Variants in ADAMTS9 observed in about 807,000 individuals in gnomAD.
ADAMTS9 encodes the protein ADAM metallopeptidase with thrombospondin type 1 motif 9.
ADAMTS9 carries 107 observed loss-of-function variants against 257.1 expected under a neutral mutation model. That is an observed-to-expected ratio of 0.42 (90% CI 0.36 to 0.49). The LOEUF is 0.49. ADAMTS9 is among the 20% of genes least tolerant of loss of function. The pLI is 0.03. For synonymous variants in ADAMTS9, 982 were observed against 880.9 expected, an observed-to-expected ratio of 1.11 and a Z score of -2.03; for missense variants, 2,353 against 2,469.1, an observed-to-expected ratio of 0.95 and a Z score of 1.00.
At chr3:64,522,684 G>A (rs919568115) in intron 38 of ADAMTS9, among the ~76,000 whole-genome samples, 3 of 151,742 alleles carry the variant, frequency 2.0e-5, no homozygotes, top group Admixed American at 6.6e-5. Flanking sequence ...ACTGCTTCTC[G>A]GTGCACAACA....
chr3:64,644,275 G>C (rs1420931439), intron 11 of ADAMTS9, among the ~76,000 whole-genome samples: 1 of 152,170 alleles, frequency 6.6e-6, no homozygotes, highest in African/African-American at 2.4e-5. Context: ...AGAAAATGAA[G>C]GGACAGAGGA....
At chr3:64,645,474 A>G (rs1244229423) in intron 11 of ADAMTS9, among the ~76,000 whole-genome samples, 1 of 152,212 alleles carries the variant, frequency 6.6e-6, no homozygotes, top group Non-Finnish European at 1.5e-5. Flanking sequence ...GAAGAAAAAG[A>G]AAGAAAAAAC....
In ADAMTS9 at chr3:64,613,595, G is replaced by A. The variant is rs973075287; in HGVS notation, c.3190-86C>T. On this transcript the variant is annotated intron_variant, in intron 21 of 39. Transcript: ENST00000498707. Reference sequence around the variant, plus strand: ...GTTATTTATTGATGAGTAGGAACAGGTGTGTCCTTTTCCCACAGCAATCAC... The same window carrying A: ...GTTATTTATTGATGAGTAGGAACAGATGTGTCCTTTTCCCACAGCAATCAC... 8.9e-6 allele frequency: 12 copies of A among 1,344,760 alleles called. No homozygotes were observed. In the Admixed American group the frequency reaches 1.8e-4, roughly 21 times the overall value. 83.3% of individuals were successfully genotyped at this position (1,344,760 alleles called of 1,614,324 possible). A position where few individuals can be genotyped will look rare whatever the true frequency, so the allele number is the denominator to read the frequency against.
intron 38 of ADAMTS9, among the ~76,000 whole-genome samples, chr3:64,531,016 GCA>G (rs2082974248): frequency 1.3e-5 from 2 of 152,008 alleles, no homozygotes; most frequent in South Asian, 4.1e-4. Context: ...TAAAGCTCAT[GCA>G]CTCTCTCTCA....
At chr3:64,664,260 T>C (rs1328700456) in intron 3 of ADAMTS9, among the ~76,000 whole-genome samples, 1 of 152,216 alleles carries the variant, frequency 6.6e-6, no homozygotes, top group Non-Finnish European at 1.5e-5. Flanking sequence ...ACATTTATGA[T>C]TAATTTTTAA....
chr3:64,562,551 G>T (rs1326458854), intron 29 of ADAMTS9, among the ~76,000 whole-genome samples: 1 of 152,136 alleles, frequency 6.6e-6, no homozygotes, highest in African/African-American at 2.4e-5. Context: ...GCCAGGCCAA[G>T]AATTATTGTC....
rs1263692676 is a variant in ADAMTS9 at position 64,541,546 on chromosome 3, T to A, written c.5272A>T (p.Ile1758Phe). The A allele has an allele frequency of 6.2e-7, 1 of 1,614,068 alleles. No homozygotes were observed. The highest frequency in any genetic ancestry group is 2.2e-5 in the East Asian group (1 of 44,880). Residue 1758 changes from isoleucine to phenylalanine, a missense_variant, in exon 34 of 40, where the codon ATT (isoleucine) becomes TTT (phenylalanine). This residue lies in a region of ADAMTS9 where 1,402 missense variants were observed against 1,441.4 expected (regional missense o/e 0.97). Transcript: ENST00000498707. Reference sequence around the variant, plus strand: ...TTCACCTTCAGAAGCTTTCCTCTAATCATCAGGAAATATTCACCATCTTCA... The same window carrying A: ...TTCACCTTCAGAAGCTTTCCTCTAAACATCAGGAAATATTCACCATCTTCA... ...ASEDGEYFLMIRGKLLKIFCA... is the reference protein window; with the variant it reads ...ASEDGEYFLMFRGKLLKIFCA...
intron 12 of ADAMTS9, among the ~76,000 whole-genome samples, chr3:64,635,720 G>A (rs1027438775): frequency 5.3e-5 from 8 of 152,138 alleles, no homozygotes; most frequent in African/African-American, 1.2e-4. Flanking sequence ...CTCTGTGCAC[G>A]TCTGCTACAT....
chr3:64,578,487 C>T (rs1290379695), intron 28 of ADAMTS9, among the ~76,000 whole-genome samples: 1 of 152,132 alleles, frequency 6.6e-6, no homozygotes, highest in Non-Finnish European at 1.5e-5. Flanking sequence ...AAGATTGAGG[C>T]AGAAGGGTGT....
Position 64,622,470 on chromosome 3 carries a change from C to A in ADAMTS9, c.2506G>T (p.Val836Leu). 6.2e-7 allele frequency: 1 copy of A among 1,614,036 alleles called. No individual in the cohort carries two copies. Among genetic ancestry groups the A allele is most frequent in the Non-Finnish European group, 8.5e-7 (1 of 1,179,970 alleles). Reference sequence around the variant, plus strand: ...CGATCTGTTGAGTTAATTCTTTCTACGGCAGTCTCGGACCCACTGTACTCT... The same window carrying A: ...CGATCTGTTGAGTTAATTCTTTCTAAGGCAGTCTCGGACCCACTGTACTCT... The part of the protein sequence containing the change: ...VVEYSGSETA[V>L]ERINSTDRIE... Residue 836 changes from valine (V) to leucine (L), a missense_variant, in exon 17 of 40, where the codon GTA becomes TTA. This residue lies in a region of ADAMTS9 where 1,402 missense variants were observed against 1,441.4 expected (regional missense o/e 0.97). Transcript: ENST00000498707.
intron 26 of ADAMTS9, among the ~76,000 whole-genome samples, chr3:64,599,594 T>TGGTCAGA (rs772590692): frequency 3.9e-5 from 6 of 152,218 alleles, no homozygotes; most frequent in Non-Finnish European, 8.8e-5. Flanking sequence ...TGCCCTATTG[T>TGGTCAGA]GGTCAGAGGT....
chr3:64,557,071 G>A (rs892004075), intron 30 of ADAMTS9, among the ~76,000 whole-genome samples: 2 of 152,174 alleles, frequency 1.3e-5, no homozygotes, highest in African/African-American at 4.8e-5. Flanking sequence ...GAGTGGAGGA[G>A]CATCTGACTC....
At chr3:64,604,353 A>G in intron 23 of ADAMTS9, 22 bp from the exon 24 acceptor site, 5 of 1,526,170 alleles carry the variant, frequency 3.3e-6, no homozygotes, top group Non-Finnish European at 4.5e-6. Context: ...GGGGGAAAAA[A>G]AAACAAAGTC....
chr3:64,681,115 A>G, intron 3 of ADAMTS9, 86 bp downstream of exon 3: 1 of 1,454,554 alleles, frequency 6.9e-7, no homozygotes, highest in African/African-American at 1.4e-5. Flanking sequence ...TGCACTTTGT[A>G]GACTGAAAGA....
intron 16 of ADAMTS9, among the ~76,000 whole-genome samples, chr3:64,628,391 G>C (rs1432370333): frequency 6.6e-6 from 1 of 152,156 alleles, no homozygotes; most frequent in Non-Finnish European, 1.5e-5. Context: ...CTTTCGAAGA[G>C]AAGAAAGGAG....
intron 2 of ADAMTS9, among the ~76,000 whole-genome samples, chr3:64,685,994 A>G (rs578224565): frequency 6.6e-6 from 1 of 152,122 alleles, no homozygotes; most frequent in African/African-American, 2.4e-5. Context: ...CGTTCCTGGG[A>G]CGGGACCTGC....
chr3:64,651,252 GA>G (rs1372242780), intron 8 of ADAMTS9, 89 bp from the exon 9 acceptor site: 6 of 1,219,576 alleles, frequency 4.9e-6, no homozygotes, highest in Non-Finnish European at 4.4e-6. Flanking sequence ...CTATCTAAGA[GA>G]AAAAAATTTA....
intron 38 of ADAMTS9, among the ~76,000 whole-genome samples, chr3:64,528,386 A>T (rs1457867642): frequency 6.6e-6 from 1 of 151,786 alleles, no homozygotes; most frequent in East Asian, 1.9e-4. Flanking sequence ...AAATTCTGAC[A>T]TTTTCTTTCA....
At chr3:64,522,088 C>T (rs1209184626) in intron 39 of ADAMTS9, 78 bp downstream of exon 39, 2 of 1,244,434 alleles carry the variant, frequency 1.6e-6, no homozygotes, top group Non-Finnish European at 2.3e-6. Context: ...CCTGCCTGAT[C>T]CTCCCACATT....
Sources: allele counts gnomAD v4.1 joint callset (sites outside exome capture counted in the v4.1 genomes callset), GRCh38; gene constraint gnomAD v4.1.1; regional missense constraint gnomAD v4.1.1; transcripts MANE v1.5; gene names NCBI Gene and HGNC (gene_info 2026-07-23, HGNC 2026-07-21).